PCDHGA1: variants seen among roughly 807,000 people sequenced by gnomAD.
The protein encoded by PCDHGA1 is protocadherin gamma subfamily A, 1, also known as protocadherin gamma-A1.
In PCDHGA1, 32 loss-of-function variants were observed where a neutral mutation model predicts 58.0. The observed-to-expected ratio is 0.55, with a 90% confidence interval of 0.42 to 0.74. The LOEUF (loss-of-function observed/expected upper bound fraction) is 0.74. Among genes scored for constraint, PCDHGA1 ranks in the 30% least tolerant of loss-of-function variants. PCDHGA1 has a pLI of 0.00. For synonymous variants in PCDHGA1, 498 were observed against 501.1 expected, an observed-to-expected ratio of 0.99 and a Z score of 0.08; for missense variants, 1,205 against 1,182.3, an observed-to-expected ratio of 1.02 and a Z score of -0.28.
At chr5:141,449,022 A>G (rs2154562454) in intron 1 of PCDHGA1, among the ~76,000 whole-genome samples, 1 of 152,312 alleles carries the variant, frequency 6.6e-6, no homozygotes, top group Admixed American at 6.5e-5. Context: ...GTTGCTTAGC[A>G]TTCCTTTGGA....
chr5:141,449,936 T>C (rs1016569958), intron 1 of PCDHGA1, among the ~76,000 whole-genome samples: 4 of 151,978 alleles, frequency 2.6e-5, no homozygotes, highest in African/African-American at 9.6e-5. Context: ...CCTTATAGTA[T>C]ATTTTACTAT....
intron 1 of PCDHGA1, among the ~76,000 whole-genome samples, chr5:141,353,850 AAC>A (rs1759401140): frequency 6.6e-6 from 1 of 152,202 alleles, no homozygotes; most frequent in African/African-American, 2.4e-5. Flanking sequence ...GATTGTGAAA[AAC>A]ACGTTTAATC....
chr5:141,339,303 A>G, intron 1 of PCDHGA1: 1 of 1,614,264 alleles, frequency 6.2e-7, no homozygotes, highest in Non-Finnish European at 8.5e-7. Flanking sequence ...ATTCTGCTGG[A>G]GGATAAATTG....
Position 141,476,788 on chromosome 5 carries a change from C to G in PCDHGA1, c.2422-18019C>G. 1 of 1,613,478 alleles carries G rather than the reference C, an allele frequency of 6.2e-7. No homozygotes were observed. Among genetic ancestry groups the G allele is most frequent in the Non-Finnish European group, 8.5e-7 (1 of 1,180,032 alleles). ...CGTTGGACGGAGGGACCCCAGCTCT[C>G]TCCGCCAGCCTGCCTATTCACATCA... On this transcript the variant is annotated intron_variant, in intron 1 of 3. Coordinates refer to ENST00000517417, the MANE Select transcript of PCDHGA1 (RefSeq NM_018912.3). This position sits in a 1 kb window ranked among gnomAD's most constrained non-coding sequence, Gnocchi z 7.6.
At chr5:141,474,745 C>T (rs935430941) in intron 1 of PCDHGA1, among the ~76,000 whole-genome samples, 2 of 152,174 alleles carry the variant, frequency 1.3e-5, no homozygotes, top group East Asian at 3.9e-4. Context: ...AAGTGATGTC[C>T]AAGACAAATA....
At position 141,434,489 on chromosome 5, in the gene PCDHGA1, C is replaced by G. The variant is rs921000136; in HGVS notation, c.2422-60318C>G. On this transcript the variant is annotated intron_variant, in intron 1 of 3. Coordinates refer to ENST00000517417, the MANE Select transcript of PCDHGA1 (RefSeq NM_018912.3). ...GAATGAGGGCAAGGAACACCTGGCC[C>G]GCCCAGGGCAGAAAACTGCTTAAAG... Among the ~76,000 whole-genome samples, 8 of 152,158 alleles carry G rather than the reference C, an allele frequency of 5.3e-5. 1 individual carries two copies. The highest frequency in any genetic ancestry group is 2.6e-4 in the Admixed American group (4 of 15,284).
chr5:141,351,350 C>T lies in PCDHGA1; in HGVS notation c.2421+18245C>T, dbSNP rs868438981. On this transcript the variant is annotated intron_variant, in intron 1 of 3. Transcript: ENST00000517417. ...TTCAGACCTTGGAACTGTAATAGCC[C>T]TCATAAAAGTGCGAGACAAGGATTC... is the stretch of plus-strand genomic sequence containing the variant. 5.6e-6 allele frequency: 9 copies of T among 1,613,300 alleles called. No individual in the cohort carries two copies. The highest frequency in any genetic ancestry group is 5.3e-5 in the African/African-American group (4 of 75,036).
intron 1 of PCDHGA1, chr5:141,344,122 A>C (rs1341800745): frequency 6.2e-7 from 1 of 1,613,922 alleles, no homozygotes; most frequent in African/African-American, 1.3e-5. Flanking sequence ...GGATCCGGTC[A>C]GATCCGCTAC....
chr5:141,376,144 G>C, intron 1 of PCDHGA1: 1 of 1,613,918 alleles, frequency 6.2e-7, no homozygotes, highest in Non-Finnish European at 8.5e-7. Context: ...CCAACGATTC[G>C]GACCTCACTC....
Position 141,505,388 on chromosome 5 carries a change from C to T in PCDHGA1, c.2481-5C>T, listed in dbSNP as rs756505223. ...TCTGTGCTCACCATCCTACTCTCTCCCCAGCTCCCAAAATGGCGATGACAC... is the reference window on the plus strand; with the variant it reads ...TCTGTGCTCACCATCCTACTCTCTCTCCAGCTCCCAAAATGGCGATGACAC... On this transcript the variant is annotated splice_polypyrimidine_tract_variant and splice_region_variant and intron_variant, in intron 2 of 3. Transcript: ENST00000517417. The T allele has an allele frequency of 6.2e-7, 1 of 1,613,972 alleles. No homozygotes were observed. The highest frequency in any genetic ancestry group is 2.2e-5 in the East Asian group (1 of 44,886).
chr5:141,370,506 C>T (rs1435099354), intron 1 of PCDHGA1: 1 of 1,613,912 alleles, frequency 6.2e-7, no homozygotes, highest in South Asian at 1.1e-5. Context: ...CTACGCTATT[C>T]CCGAGGAGCT....
intron 1 of PCDHGA1, chr5:141,426,835 C>G (rs1038394702): frequency 6.6e-6 from 3 of 456,576 alleles, no homozygotes; most frequent in Non-Finnish European, 1.3e-5. Flanking sequence ...ATGGACAAGA[C>G]TAAAGGCAAG....
rs1333419586 is a variant in PCDHGA1 at position 141,485,206 on chromosome 5, C to T, written c.2422-9601C>T. 1 of 1,614,116 alleles carries T rather than the reference C, an allele frequency of 6.2e-7. No individual in the cohort carries two copies. The highest frequency in any genetic ancestry group is 8.5e-7 in the Non-Finnish European group (1 of 1,179,946). ...GCAAGGTGAGAAGCTGGACAGAAAT[C>T]TGGCGGTGGGCTACCCTTTTGTTCC... On this transcript the variant is annotated intron_variant, in intron 1 of 3. Coordinates refer to ENST00000517417, the MANE Select transcript of PCDHGA1 (RefSeq NM_018912.3). The surrounding 1 kb of genome is among the most constrained non-coding windows in gnomAD (Gnocchi z 5.7).
chr5:141,376,463 A>C (rs1772718380), intron 1 of PCDHGA1: 1 of 1,614,212 alleles, frequency 6.2e-7, no homozygotes, highest in South Asian at 1.1e-5. Context: ...TCTTCTGATA[A>C]CTCAGGATTT....
intron 1 of PCDHGA1, chr5:141,416,195 CAATT>C (rs1181982521): frequency 6.6e-6 from 1 of 152,322 alleles, no homozygotes; most frequent in African/African-American, 2.4e-5. Flanking sequence ...ATTGAATTAA[CAATT>C]TATTTATAAC....
In PCDHGA1 at chr5:141,402,880, A is replaced by T; in HGVS notation, c.2421+69775A>T. The T allele has an allele frequency of 1.4e-6, 2 of 1,474,944 alleles. 1 individual carries two copies. The highest frequency in any genetic ancestry group is 2.9e-5 in the South Asian group (2 of 68,686). 91.4% of individuals were successfully genotyped at this position (1,474,944 alleles called of 1,614,324 possible). On this transcript the variant is annotated intron_variant, in intron 1 of 3. Coordinates refer to ENST00000517417, the MANE Select transcript of PCDHGA1 (RefSeq NM_018912.3). ...TAAGGAAAAGATCACCATACTTTGCAGGGTGGAAGAAAGAACCTGATGAAG... is the reference window on the plus strand; with the variant it reads ...TAAGGAAAAGATCACCATACTTTGCTGGGTGGAAGAAAGAACCTGATGAAG...
chr5:141,395,197 T>C, intron 1 of PCDHGA1: 1 of 1,614,012 alleles, frequency 6.2e-7, no homozygotes, highest in Non-Finnish European at 8.5e-7. Context: ...TTAACATCCG[T>C]AGATTTTCAT....
intron 1 of PCDHGA1, chr5:141,383,589 G>A (rs1199547727): frequency 1.2e-6 from 2 of 1,613,716 alleles, no homozygotes; most frequent in Admixed American, 3.3e-5. Context: ...ACATCCAGGT[G>A]ACAGTGGTGG....
At chr5:141,510,795 G>A in intron 3 of PCDHGA1, 152 bp from the exon 4 acceptor site, 6 of 1,465,214 alleles carry the variant, frequency 4.1e-6, no homozygotes, top group Non-Finnish European at 5.5e-6. Context: ...CTTGTGAAGA[G>A]AGACTACCTT....
Sources: gnomAD v4.1 joint callset for allele counts (sites outside exome capture counted in the v4.1 genomes callset) on GRCh38, gnomAD v4.1.1 for gene constraint, Gnocchi (gnomAD v3.1) non-coding constraint, MANE v1.5 for transcripts, NCBI Gene and HGNC (gene_info 2026-07-23, HGNC 2026-07-21) for gene names.